Variants in CSNK2A1 observed in about 807,000 individuals in gnomAD.
The protein encoded by CSNK2A1 is casein kinase 2 alpha 1, also known as casein kinase II subunit alpha.
Under a neutral mutation model 62.9 loss-of-function variants are expected in CSNK2A1, and 10 were observed. That is an observed-to-expected ratio of 0.16 (90% CI 0.10 to 0.27). CSNK2A1 has a LOEUF of 0.27. CSNK2A1 is among the 10% of genes least tolerant of loss of function. CSNK2A1 has a pLI of 1.00. For missense variants in CSNK2A1, 160 were observed against 492.0 expected (o/e 0.33, Z 6.38); for synonymous variants, 124 against 167.8 (o/e 0.74, Z 2.02).
rs370918655 is a variant in CSNK2A1 at position 499,244 on chromosome 20, A to G, written c.366+11T>C. ...ACCCACTAGCCCGAAACAGTTGGTTATATATTATACCTTGAAGTCTGTGTT... is the reference window on the plus strand; with the variant it reads ...ACCCACTAGCCCGAAACAGTTGGTTGTATATTATACCTTGAAGTCTGTGTT... On this transcript the variant is annotated intron_variant, in intron 6 of 13. Transcript: ENST00000217244. This position sits in a 1 kb window ranked among gnomAD's most constrained non-coding sequence, Gnocchi z 4.2. 1.3e-5 allele frequency: 20 copies of G among 1,596,190 alleles called. No individual in the cohort carries two copies. The African/African-American group carries it at 2.6e-4, about 20-fold the overall frequency.
intron 8 of CSNK2A1, among the ~76,000 whole-genome samples, chr20:493,176 A>G (rs1387794998): frequency 6.6e-6 from 1 of 152,176 alleles, no homozygotes; most frequent in African/African-American, 2.4e-5. Flanking sequence ...TACAAGCCAA[A>G]ACTTAAGATT....
chr20:537,421 TAGC>T (rs2019357705), intron 1 of CSNK2A1, among the ~76,000 whole-genome samples: 1 of 152,100 alleles, frequency 6.6e-6, no homozygotes, highest in African/African-American at 2.4e-5. Context: ...ATGCCACTCT[TAGC>T]AGTATCTTGT....
chr20:530,722 A>G (rs1217122882), intron 1 of CSNK2A1, among the ~76,000 whole-genome samples: 1 of 152,118 alleles, frequency 6.6e-6, no homozygotes, highest in Non-Finnish European at 1.5e-5. Flanking sequence ...CGATCATCCC[A>G]TCTTAGCCTT....
intron 2 of CSNK2A1, among the ~76,000 whole-genome samples, chr20:516,264 A>G (rs76789763): frequency 0.014 from 2,065 of 152,316 alleles, 40 homozygotes; most frequent in East Asian, 0.088. Context: ...GTGGCTAACC[A>G]TTTCAGACCA....
rs1304718994 is a variant in CSNK2A1, at chr20:490,894, A to G, written c.622-1013T>C. 2.1e-3 allele frequency among the ~76,000 whole-genome samples: 214 copies of G among 102,006 alleles called. 1 individual carries two copies. Among genetic ancestry groups the G allele is most frequent in the African/African-American group, 0.01 (204 of 20,292 alleles). 66.9% of individuals were successfully genotyped at this position (102,006 alleles called of 152,430 possible). A position where few individuals can be genotyped will look rare whatever the true frequency, so the allele number is the denominator to read the frequency against. Reference sequence around the variant, plus strand: ...TTGAATTGTTTTCTTCACTTACATGAAAAAAAAAAAAAAAAAACCTCCAAA... The same window carrying G: ...TTGAATTGTTTTCTTCACTTACATGGAAAAAAAAAAAAAAAAACCTCCAAA... On this transcript the variant is annotated intron_variant, in intron 9 of 13. Coordinates refer to ENST00000217244, the MANE Select transcript of CSNK2A1 (RefSeq NM_177559.3).
At chr20:484,189 C>T (rs2018017811) in intron 13 of CSNK2A1, 113 bp from the exon 14 acceptor site, 1 of 858,370 alleles carries the variant, frequency 1.2e-6, no homozygotes, top group Non-Finnish European at 1.7e-6. Flanking sequence ...AAGACTTCCT[C>T]TTAGCTGGAT....
intron 1 of CSNK2A1, among the ~76,000 whole-genome samples, chr20:528,350 G>A (rs2019141077): frequency 6.6e-6 from 1 of 152,194 alleles, no homozygotes; most frequent in South Asian, 2.1e-4. Context: ...AAATAGAATA[G>A]GCTGGAAGTA....
rs140605011 is a variant in CSNK2A1, at chr20:497,149, T to C, written c.426+572A>G. ...ACAAGGGTTCTGATACTATTATTAT[T>C]AATTTTTATTTATTTATGTATTTAG... On this transcript the variant is annotated intron_variant, in intron 7 of 13. Transcript: ENST00000217244. Among the ~76,000 whole-genome samples, 1,007 of 152,274 alleles carry C rather than the reference T, an allele frequency of 6.6e-3. 9 individuals are homozygous for C. Among genetic ancestry groups the C allele is most frequent in the Middle Eastern group, 0.017 (5 of 294 alleles).
chr20:499,713 C>A lies in CSNK2A1; in HGVS notation c.315+120G>T. The stretch of plus-strand genomic sequence containing the variant: ...TAGTTAAATGGTATATCTGATTAAG[C>A]ACTTTCAAAGCAGGACTTAATGATG... On this transcript the variant is annotated intron_variant, in intron 5 of 13. Transcript: ENST00000217244. This position sits in a 1 kb window ranked among gnomAD's most constrained non-coding sequence, Gnocchi z 4.2. 1 of 892,100 alleles carries A rather than the reference C, an allele frequency of 1.1e-6. No homozygotes were observed. The highest frequency in any genetic ancestry group is 1.8e-6 in the Non-Finnish European group (1 of 549,552). The allele number at this position is 892,100 out of a possible 1,614,324, so 55.3% of individuals were successfully genotyped here.
chr20:528,849 T>G (rs1011234602), intron 1 of CSNK2A1, among the ~76,000 whole-genome samples: 1 of 152,150 alleles, frequency 6.6e-6, no homozygotes, highest in Admixed American at 6.5e-5. Flanking sequence ...ACCTTCCCAA[T>G]GTCAGAGGTA....
intron 2 of CSNK2A1, among the ~76,000 whole-genome samples, chr20:512,150 A>C (rs1037672150): frequency 1.3e-5 from 2 of 151,312 alleles, no homozygotes; most frequent in African/African-American, 4.9e-5. Context: ...CGGCCTCCCA[A>C]AGTGCTCTCA....
At chr20:535,166 G>A (rs1055475092) in intron 1 of CSNK2A1, among the ~76,000 whole-genome samples, 1 of 151,750 alleles carries the variant, frequency 6.6e-6, no homozygotes, top group African/African-American at 2.4e-5. Context: ...GACCAGCCTG[G>A]GCAACATGGT....
chr20:494,262 T>C (rs2018300580), intron 8 of CSNK2A1: 1 of 152,210 alleles, frequency 6.6e-6, no homozygotes, highest in African/African-American at 2.4e-5. Context: ...ACTCCTGAAC[T>C]CGTCATCTGC....
chr20:474,041 G>A lies in CSNK2A1; in HGVS notation c.*9920C>T, dbSNP rs1203374982. Reference sequence around the variant, plus strand: ...AGTCTTTGAAAGGCTTTTAAGCAAGGGACTGAGATAAAATTTATTTATTAT... The same window carrying A: ...AGTCTTTGAAAGGCTTTTAAGCAAGAGACTGAGATAAAATTTATTTATTAT... On this transcript the variant is annotated 3_prime_UTR_variant, in exon 14 of 14. Transcript: ENST00000217244. 1.3e-5 allele frequency: 2 copies of A among 152,110 alleles called. No homozygotes were observed. The highest frequency in any genetic ancestry group is 1.3e-4 in the Admixed American group (2 of 15,268). 9.4% of individuals were successfully genotyped at this position (152,110 alleles called of 1,614,324 possible).
intron 2 of CSNK2A1, among the ~76,000 whole-genome samples, chr20:526,397 GC>G (rs1303355339): frequency 6.6e-6 from 1 of 152,040 alleles, no homozygotes; most frequent in Non-Finnish European, 1.5e-5. Flanking sequence ...GACTGCTTGA[GC>G]CCAGGAGTTT....
intron 1 of CSNK2A1, among the ~76,000 whole-genome samples, chr20:541,744 CTTTT>C (rs768836090): frequency 6.6e-6 from 1 of 152,112 alleles, no homozygotes; most frequent in Non-Finnish European, 1.5e-5. Context: ...CATAACTAGG[CTTTT>C]TTTTATTTTT....
chr20:511,634 C>A (rs1470195801), intron 2 of CSNK2A1, among the ~76,000 whole-genome samples: 1 of 152,016 alleles, frequency 6.6e-6, no homozygotes, highest in Non-Finnish European at 1.5e-5. Context: ...CAAGGCTGAT[C>A]CATGTTGTAG....
Position 474,969 on chromosome 20 carries a change from T to A in CSNK2A1, c.*8992A>T, listed in dbSNP as rs1477101504. ...TTAAACATTTGAACTCTAGCAAATATACTGAGAAGTGCCCCAAACGTAAAT... is the reference window on the plus strand; with the variant it reads ...TTAAACATTTGAACTCTAGCAAATAAACTGAGAAGTGCCCCAAACGTAAAT... On this transcript the variant is annotated 3_prime_UTR_variant, in exon 14 of 14. Coordinates refer to ENST00000217244, the MANE Select transcript of CSNK2A1 (RefSeq NM_177559.3). The A allele has an allele frequency of 6.6e-6, 1 of 152,196 alleles. No homozygotes were observed. The highest frequency in any genetic ancestry group is 1.9e-4 in the East Asian group (1 of 5,200). The allele number at this position is 152,196 out of a possible 1,614,324, so 9.4% of individuals were successfully genotyped here. A position where few individuals can be genotyped will look rare whatever the true frequency, so the allele number is the denominator to read the frequency against.
At chr20:492,154 G>C in intron 9 of CSNK2A1, 100 bp downstream of exon 9, 1 of 881,308 alleles carries the variant, frequency 1.1e-6, no homozygotes, top group Non-Finnish European at 1.8e-6. Flanking sequence ...TGTGCATTAA[G>C]TGGCCTACCT....
Sources: allele counts gnomAD v4.1 joint callset (sites outside exome capture counted in the v4.1 genomes callset), GRCh38; gene constraint gnomAD v4.1.1; non-coding constraint Gnocchi (gnomAD v3.1); transcripts MANE v1.5; gene names NCBI Gene and HGNC (gene_info 2026-07-23, HGNC 2026-07-21).